The following ADCY8 variants were observed in gnomAD, a reference collection of about 807,000 sequenced individuals.
The protein encoded by ADCY8 is adenylate cyclase type 8.
A neutral mutation model predicts 119.7 loss-of-function variants in ADCY8; 51 were observed. The observed-to-expected ratio is 0.43, with a 90% confidence interval of 0.34 to 0.54. The LOEUF (loss-of-function observed/expected upper bound fraction) is 0.54. Ranked by LOEUF, ADCY8 falls within the 20% of genes least tolerant of loss-of-function variation. ADCY8 has a pLI of 0.03. For missense variants in ADCY8, 1,383 were observed against 1,598.8 expected (o/e 0.87, Z 2.30); for synonymous variants, 665 against 651.0 (o/e 1.02, Z -0.33).
intron 2 of ADCY8, among the ~76,000 whole-genome samples, chr8:130,978,060 C>G (rs1184437528): frequency 6.6e-6 from 1 of 152,192 alleles, no homozygotes; most frequent in African/African-American, 2.4e-5. Flanking sequence ...AAGCTTCACT[C>G]TGCCTTCACC....
chr8:130,962,602 G>A (rs975011765), intron 2 of ADCY8, among the ~76,000 whole-genome samples: 1 of 152,238 alleles, frequency 6.6e-6, no homozygotes, highest in Non-Finnish European at 1.5e-5. Context: ...AGTGCACCCT[G>A]AGGGGAAGTC....
chr8:130,785,518 C>A (rs370186778), intron 15 of ADCY8, 43 bp from the exon 16 acceptor site: 8 of 1,480,318 alleles, frequency 5.4e-6, no homozygotes, highest in African/African-American at 4.2e-5. Flanking sequence ...GGTGTTTATT[C>A]TTCCAGCAGC....
intron 5 of ADCY8, among the ~76,000 whole-genome samples, chr8:130,936,531 T>C (rs987918449): frequency 2.3e-4 from 35 of 152,154 alleles, no homozygotes; most frequent in Non-Finnish European, 1.5e-5. Flanking sequence ...CTGGTTTCTG[T>C]ACATGTCCAT....
rs540001832 is a variant in ADCY8 at position 131,020,760 on chromosome 8, AC to A, written c.960+18613del. 6.8e-3 allele frequency among the ~76,000 whole-genome samples: 1,038 copies of A among 152,196 alleles called. 15 individuals are homozygous for A. Among genetic ancestry groups the A allele is most frequent in the African/African-American group, 0.023 (959 of 41,514 alleles). On this transcript the variant is annotated intron_variant, in intron 1 of 17. Coordinates refer to ENST00000286355, the MANE Select transcript of ADCY8 (RefSeq NM_001115.3). Reference sequence around the variant, plus strand: ...GATGGGCATCTGGCTTCTGCTAAGCACCCTCGGGGACTACTTTCTAATCTCA... The same window carrying A: ...GATGGGCATCTGGCTTCTGCTAAGCACCTCGGGGACTACTTTCTAATCTCA...
At chr8:130,810,753 C>A (rs888016404) in intron 14 of ADCY8, among the ~76,000 whole-genome samples, 10 of 152,172 alleles carry the variant, frequency 6.6e-5, no homozygotes, top group Non-Finnish European at 1.2e-4. Context: ...CTCAAATAAT[C>A]CTGACAAGAT....
chr8:130,904,145 T>C, intron 6 of ADCY8, 103 bp from the exon 7 acceptor site: 1 of 1,171,726 alleles, frequency 8.5e-7, no homozygotes. Context: ...CACAAGGGTA[T>C]TATTAGGACA....
At chr8:130,941,326 A>G (rs976751384) in intron 4 of ADCY8, among the ~76,000 whole-genome samples, 26 of 152,082 alleles carry the variant, frequency 1.7e-4, no homozygotes, top group African/African-American at 6.3e-4. Flanking sequence ...TCCTGAGGGG[A>G]AGGACTGGTT....
chr8:130,835,177 C>A (rs1816947804), intron 12 of ADCY8, among the ~76,000 whole-genome samples: 2 of 152,212 alleles, frequency 1.3e-5, no homozygotes, highest in Admixed American at 1.3e-4. Flanking sequence ...TGAGACCAAT[C>A]AGCCTGGACT....
intron 13 of ADCY8, among the ~76,000 whole-genome samples, chr8:130,815,073 C>T (rs187246181): frequency 6.6e-5 from 10 of 152,178 alleles, no homozygotes; most frequent in Admixed American, 4.6e-4. Flanking sequence ...GATTACTGCC[C>T]TTGTAGGAAG....
chr8:130,996,616 A>G (rs1352743714), intron 1 of ADCY8, among the ~76,000 whole-genome samples: 3 of 152,124 alleles, frequency 2.0e-5, no homozygotes, highest in East Asian at 3.8e-4. Flanking sequence ...CCCAAAAAAG[A>G]TAATTGGTCA....
intron 6 of ADCY8, among the ~76,000 whole-genome samples, chr8:130,905,495 A>C (rs935969930): frequency 6.6e-6 from 1 of 152,224 alleles, no homozygotes. Context: ...ATTTGAATGA[A>C]AGAATGCTTA....
At chr8:131,032,108 T>C (rs1824015228) in intron 1 of ADCY8, among the ~76,000 whole-genome samples, 1 of 152,230 alleles carries the variant, frequency 6.6e-6, no homozygotes, top group Non-Finnish European at 1.5e-5. Context: ...TTTTTGTTTT[T>C]ATGTGAAATT....
At chr8:130,793,283 G>A (rs939799793) in intron 15 of ADCY8, among the ~76,000 whole-genome samples, 1 of 152,062 alleles carries the variant, frequency 6.6e-6, no homozygotes. Flanking sequence ...TGCACTATGG[G>A]TGTCCAACCA....
intron 2 of ADCY8, among the ~76,000 whole-genome samples, chr8:130,957,160 A>T (rs1396226153): frequency 6.6e-6 from 1 of 152,176 alleles, no homozygotes; most frequent in Non-Finnish European, 1.5e-5. Flanking sequence ...GACTTGTTGA[A>T]TGGCTTTGAC....
At chr8:130,994,928 A>G (rs1434792084) in intron 1 of ADCY8, among the ~76,000 whole-genome samples, 3 of 152,002 alleles carry the variant, frequency 2.0e-5, no homozygotes, top group Non-Finnish European at 4.4e-5. Context: ...TGCAAAGGTG[A>G]CTCTGGGGTG....
intron 5 of ADCY8, among the ~76,000 whole-genome samples, chr8:130,911,307 G>A (rs970410761): frequency 6.6e-5 from 10 of 152,092 alleles, no homozygotes; most frequent in African/African-American, 2.4e-4. Context: ...AATTCTTAGA[G>A]CTGCACATTT....
At chr8:130,981,998 C>A (rs1000565108) in intron 2 of ADCY8, among the ~76,000 whole-genome samples, 1 of 152,202 alleles carries the variant, frequency 6.6e-6, no homozygotes, top group Non-Finnish European at 1.5e-5. Flanking sequence ...CACACAGTCA[C>A]CCAGATATAG....
chr8:130,787,504 A>AT (rs2130056701), intron 15 of ADCY8, among the ~76,000 whole-genome samples: 1 of 151,460 alleles, frequency 6.6e-6, no homozygotes, highest in South Asian at 2.1e-4. Flanking sequence ...ATATGTGTGT[A>AT]TGGTGTTTAT....
chr8:130,783,713 G>C lies in ADCY8; in HGVS notation c.3246C>G (p.Phe1082Leu). The C allele has an allele frequency of 6.2e-7, 1 of 1,613,374 alleles. No homozygotes were observed. The highest frequency in any genetic ancestry group is 8.5e-7 in the Non-Finnish European group (1 of 1,179,640). ...CACCAATCCGGAGTTCAAAATTGTT[G>C]AATGAATGCTTGTTGATCTCCTGTA... ...ESIQEINKHS[F>L]NNFELRIGIS... The change falls in exon 17 of 18, where the codon TTC becomes TTG. Residue 1082 changes from phenylalanine to leucine, a missense_variant. Around this residue, in one of 2 missense-constraint regions of ADCY8, gnomAD observed 928 missense variants for 1,163.5 expected, o/e 0.80. Coordinates refer to ENST00000286355, the MANE Select transcript of ADCY8 (RefSeq NM_001115.3).
Sources: gnomAD v4.1 joint callset for allele counts (sites outside exome capture counted in the v4.1 genomes callset) on GRCh38, gnomAD v4.1.1 for gene constraint, gnomAD v4.1.1 regional missense constraint, MANE v1.5 for transcripts, NCBI Gene and HGNC (gene_info 2026-07-23, HGNC 2026-07-21) for gene names.